The following GRHL2 variants were observed in gnomAD, a reference collection of about 807,000 sequenced individuals.
The protein encoded by GRHL2 is grainyhead-like protein 2 homolog.
In GRHL2, 21 loss-of-function variants were observed where a neutral mutation model predicts 83.8. That is an observed-to-expected ratio of 0.25 (90% CI 0.18 to 0.36). The LOEUF (loss-of-function observed/expected upper bound fraction) is 0.36. Ranked by LOEUF, GRHL2 falls within the 10% of genes least tolerant of loss-of-function variation. The pLI, the probability that GRHL2 is intolerant of heterozygous loss-of-function variation, is 1.00. For synonymous variants in GRHL2, 280 were observed against 278.9 expected, an observed-to-expected ratio of 1.00 and a Z score of -0.04; for missense variants, 623 against 781.8, an observed-to-expected ratio of 0.80 and a Z score of 2.42.
At chr8:101,529,747 C>T (rs1471283305) in intron 1 of GRHL2, among the ~76,000 whole-genome samples, 1 of 152,192 alleles carries the variant, frequency 6.6e-6, no homozygotes, top group Admixed American at 6.5e-5. Flanking sequence ...TCTCAGTTCT[C>T]ATATTAAAAG....
At chr8:101,671,747 G>A (rs1175985637), downstream of GRHL2, among the ~76,000 whole-genome samples, 2 of 152,214 alleles carry the variant, frequency 1.3e-5, no homozygotes, top group East Asian at 3.9e-4. Context: ...TCCTCAAGCG[G>A]GTCCTTGACC....
chr8:101,670,568 G>A (rs1403769189), downstream of GRHL2, among the ~76,000 whole-genome samples: 1 of 152,212 alleles, frequency 6.6e-6, no homozygotes, highest in Non-Finnish European at 1.5e-5. Flanking sequence ...TCCAAGGCTT[G>A]TTGTCATGAC....
At chr8:101,524,200 T>G (rs1810754436) in intron 1 of GRHL2, among the ~76,000 whole-genome samples, 1 of 152,224 alleles carries the variant, frequency 6.6e-6, no homozygotes, top group Non-Finnish European at 1.5e-5. Flanking sequence ...AAATTGTCTT[T>G]TTTCAGAAGA....
intron 2 of GRHL2, 161 bp downstream of exon 2, chr8:101,543,597 C>G (rs762933551): frequency 2.8e-6 from 2 of 714,206 alleles, no homozygotes; most frequent in African/African-American, 3.5e-5. Context: ...TCCCTGCTTC[C>G]CCATCTACAA....
At chr8:101,526,563 T>G (rs572938844) in intron 1 of GRHL2, among the ~76,000 whole-genome samples, 21 of 150,984 alleles carry the variant, frequency 1.4e-4, no homozygotes, top group Non-Finnish European at 3.0e-4. Context: ...AAGCTCAAAT[T>G]TTACCATTGG....
At position 101,606,978 on chromosome 8, in the gene GRHL2, C is replaced by T. The variant is rs188131794; in HGVS notation, c.1098+7827C>T. On this transcript the variant is annotated intron_variant, in intron 8 of 15. Transcript: ENST00000646743. ...AACATAGGTGTTCTCACTTCTCATA[C>T]GCTGCAAATTATTCAGTCTCTTTGG... 2.8e-3 allele frequency among the ~76,000 whole-genome samples: 432 copies of T among 152,302 alleles called. 5 individuals are homozygous for T. Among genetic ancestry groups the T allele is most frequent in the African/African-American group, 9.8e-3 (408 of 41,564 alleles).
intron 1 of GRHL2, among the ~76,000 whole-genome samples, chr8:101,509,649 T>G (rs1409745477): frequency 6.6e-6 from 1 of 152,108 alleles, no homozygotes; most frequent in Non-Finnish European, 1.5e-5. Context: ...TATATATATA[T>G]TTTTTCCTCT....
intron 13 of GRHL2, 83 bp from the exon 14 acceptor site, chr8:101,649,331 G>A (rs1313117141): frequency 9.1e-7 from 1 of 1,094,934 alleles, no homozygotes; most frequent in Admixed American, 1.8e-5. Flanking sequence ...TCCAACACCT[G>A]TGTGACAGGA....
downstream of GRHL2, among the ~76,000 whole-genome samples, chr8:101,674,484 T>A (rs1056621790): frequency 2.0e-5 from 3 of 152,098 alleles, no homozygotes; most frequent in African/African-American, 7.2e-5. Flanking sequence ...CCTCGACACA[T>A]ACACCCTCCC....
intron 15 of GRHL2, among the ~76,000 whole-genome samples, chr8:101,665,234 G>A (rs78951146): frequency 3.9e-5 from 6 of 152,270 alleles, no homozygotes; most frequent in South Asian, 2.1e-4. Flanking sequence ...ACGTTCTGCC[G>A]TCTGACTTTC....
chr8:101,621,194 T>C (rs1812958035), intron 9 of GRHL2, among the ~76,000 whole-genome samples: 1 of 152,094 alleles, frequency 6.6e-6, no homozygotes, highest in African/African-American at 2.4e-5. Flanking sequence ...CATACAATGT[T>C]TCATGAAAAA....
chr8:101,664,354 C>T, intron 14 of GRHL2, 100 bp from the exon 15 acceptor site: 1 of 824,364 alleles, frequency 1.2e-6, no homozygotes. Context: ...GCACTCTATC[C>T]CTGGGAAAAT....
At chr8:101,524,906 ATTATTTTTATTTTTGT>A (rs1226977412) in intron 1 of GRHL2, among the ~76,000 whole-genome samples, 1 of 151,794 alleles carries the variant, frequency 6.6e-6, no homozygotes, top group Non-Finnish European at 1.5e-5. Flanking sequence ...ATGCCATACC[ATTATTTTTATTTTTGT>A]TTATTTTTGT....
chr8:101,504,829 T>C (rs900175596), intron 1 of GRHL2, among the ~76,000 whole-genome samples: 1 of 152,186 alleles, frequency 6.6e-6, no homozygotes, highest in Middle Eastern at 3.4e-3. Context: ...CACGCGTCTT[T>C]AATGGAAGTG....
the GRHL2 span, among the ~76,000 whole-genome samples, chr8:101,677,503 T>C: frequency 5.9e-5 from 7 of 118,072 alleles, no homozygotes; most frequent in Non-Finnish European, 1.0e-4. Flanking sequence ...AGGAACCAAA[T>C]AAAGTGATTA....
intron 13 of GRHL2, among the ~76,000 whole-genome samples, chr8:101,649,062 G>A (rs1305467217): frequency 6.6e-6 from 1 of 152,210 alleles, no homozygotes; most frequent in Non-Finnish European, 1.5e-5. Flanking sequence ...GCCCAGGTGG[G>A]CATTCAGTAA....
chr8:101,558,275 C>A, intron 3 of GRHL2, 144 bp from the exon 4 acceptor site: 1 of 888,920 alleles, frequency 1.1e-6, no homozygotes, highest in South Asian at 1.5e-5. Context: ...GATCCCATTG[C>A]GTTTCGTTGT....
chr8:101,628,002 C>T (rs114215727), intron 9 of GRHL2, among the ~76,000 whole-genome samples: 1,992 of 152,228 alleles, frequency 0.013, 41 homozygotes, highest in African/African-American at 0.045. Context: ...ATCTCCATAA[C>T]ATAAATGTGC....
At chr8:101,671,047 A>G (rs1278012497), downstream of GRHL2, among the ~76,000 whole-genome samples, 1 of 152,230 alleles carries the variant, frequency 6.6e-6, no homozygotes, top group East Asian at 1.9e-4. Flanking sequence ...GGTGGAGCCA[A>G]GATGGCTACA....
Sources: allele counts gnomAD v4.1 joint callset (sites outside exome capture counted in the v4.1 genomes callset), GRCh38; gene constraint gnomAD v4.1.1; transcripts MANE v1.5; gene names NCBI Gene and HGNC (gene_info 2026-07-23, HGNC 2026-07-21).